The following ADAMTS12 variants were observed in gnomAD, a reference collection of about 807,000 sequenced individuals.
ADAMTS12 encodes A disintegrin and metalloproteinase with thrombospondin motifs 12.
ADAMTS12 carries 118 observed loss-of-function variants against 167.8 expected under a neutral mutation model. The ratio of observed to expected loss-of-function variants is 0.70; its 90% CI spans 0.61 to 0.82. ADAMTS12 has a LOEUF of 0.82. Ranked by LOEUF, ADAMTS12 falls within the 40% of genes least tolerant of loss-of-function variation. The probability of loss-of-function intolerance (pLI) is 0.00; values close to 1 mark genes in which losing one functional copy is unlikely to be tolerated. For missense variants in ADAMTS12, 1,916 were observed against 1,998.8 expected, an observed-to-expected ratio of 0.96 and a Z score of 0.79; for synonymous variants, 704 against 716.9, an observed-to-expected ratio of 0.98 and a Z score of 0.29.
intron 2 of ADAMTS12, among the ~76,000 whole-genome samples, chr5:33,842,556 C>A (rs1436454111): frequency 6.6e-6 from 1 of 152,176 alleles, no homozygotes; most frequent in Non-Finnish European, 1.5e-5. Context: ...TTAAACAGAG[C>A]TTTTCATGCT....
intron 5 of ADAMTS12, among the ~76,000 whole-genome samples, chr5:33,677,141 TA>T (rs1561209189): frequency 6.6e-6 from 1 of 152,202 alleles, no homozygotes; most frequent in Non-Finnish European, 1.5e-5. Flanking sequence ...TTAGGTCTTT[TA>T]TTTTCCTCCA....
At chr5:33,763,719 G>C (rs954622526) in intron 2 of ADAMTS12, among the ~76,000 whole-genome samples, 2 of 152,196 alleles carry the variant, frequency 1.3e-5, no homozygotes, top group African/African-American at 4.8e-5. Context: ...AACAAATGTT[G>C]TAGGAAACAA....
intron 7 of ADAMTS12, among the ~76,000 whole-genome samples, chr5:33,651,365 G>A (rs1740862980): frequency 6.6e-6 from 1 of 152,168 alleles, no homozygotes. Flanking sequence ...CAAAATAAAA[G>A]TAAAATTATT....
intron 2 of ADAMTS12, among the ~76,000 whole-genome samples, chr5:33,777,106 A>G (rs924883037): frequency 3.9e-5 from 6 of 152,140 alleles, no homozygotes; most frequent in African/African-American, 9.6e-5. Flanking sequence ...TTAAAGAGAA[A>G]TTAACACCAA....
rs564635672 is a variant in ADAMTS12 at position 33,788,154 on chromosome 5, C to T, written c.490-36606G>A. Among the ~76,000 whole-genome samples, 10 of 152,320 alleles carry T rather than the reference C, an allele frequency of 6.6e-5. No individual in the cohort carries two copies. In the South Asian group the frequency reaches 1.9e-3, roughly 28 times the overall value. The stretch of plus-strand genomic sequence containing the variant: ...CTTGCTCTGGAATATGGACGCCTGT[C>T]CACAGATGGCTCCTTCTGAACAGCC... On this transcript the variant is annotated intron_variant, in intron 2 of 23. Coordinates refer to ENST00000504830, the MANE Select transcript of ADAMTS12 (RefSeq NM_030955.4).
At chr5:33,602,159 T>C (rs1738219664) in intron 16 of ADAMTS12, among the ~76,000 whole-genome samples, 1 of 152,096 alleles carries the variant, frequency 6.6e-6, no homozygotes, top group Admixed American at 6.6e-5. Flanking sequence ...GGCAACTGCA[T>C]TATTAAAGAA....
intron 2 of ADAMTS12, among the ~76,000 whole-genome samples, chr5:33,783,564 A>C (rs2112445498): frequency 6.6e-6 from 1 of 152,048 alleles, no homozygotes; most frequent in East Asian, 1.9e-4. Flanking sequence ...TGCCCCGCAG[A>C]AATTAAAAGA....
At chr5:33,792,868 T>C (rs1267095422) in intron 2 of ADAMTS12, among the ~76,000 whole-genome samples, 1 of 152,248 alleles carries the variant, frequency 6.6e-6, no homozygotes. Context: ...TCTGGACAAC[T>C]GAACATGGTT....
At chr5:33,580,916 C>T (rs1354511998) in intron 18 of ADAMTS12, among the ~76,000 whole-genome samples, 1 of 152,172 alleles carries the variant, frequency 6.6e-6, no homozygotes, top group Non-Finnish European at 1.5e-5. Context: ...GTGCACCAAC[C>T]TTCCATCCAC....
chr5:33,666,063 C>A (rs1741454300), intron 5 of ADAMTS12, among the ~76,000 whole-genome samples: 1 of 152,238 alleles, frequency 6.6e-6, no homozygotes, highest in Non-Finnish European at 1.5e-5. Flanking sequence ...AATTCTGTAA[C>A]AGGGCCTTTG....
intron 4 of ADAMTS12, 64 bp from the exon 5 acceptor site, chr5:33,683,165 G>A: frequency 7.8e-7 from 1 of 1,282,384 alleles, no homozygotes; most frequent in Non-Finnish European, 1.1e-6. Flanking sequence ...TACCAGAGAA[G>A]AAAATAGCAT....
In ADAMTS12 at chr5:33,549,349, C is replaced by A. The variant is rs745489312; in HGVS notation, c.4160G>T (p.Arg1387Leu). 6.2e-7 allele frequency: 1 copy of A among 1,613,954 alleles called. No homozygotes were observed. Among genetic ancestry groups the A allele is most frequent in the African/African-American group, 1.3e-5 (1 of 74,916 alleles). The change falls in exon 21 of 24, where the codon CGC becomes CTC. Residue 1387 changes from arginine to leucine, a missense_variant. By Grantham distance (102) the Arg-to-Leu change is moderately radical (BLOSUM62 -2). Coordinates refer to ENST00000504830, the MANE Select transcript of ADAMTS12 (RefSeq NM_030955.4). Reference sequence around the variant, plus strand: ...CCGGCTGTCCACGCACTGAATCTCGCGTATCTTGAAGCCCCCACTGCAGTT... The same window carrying A: ...CCGGCTGTCCACGCACTGAATCTCGAGTATCTTGAAGCCCCCACTGCAGTT... Reference protein sequence around the residue: ...SRNCSGGFKIREIQCVDSRDH... With the variant: ...SRNCSGGFKILEIQCVDSRDH...
Position 33,534,854 on chromosome 5 carries a change from G to T in ADAMTS12, c.4585C>A (p.Gln1529Lys), listed in dbSNP as rs773184587. 1.3e-5 allele frequency: 21 copies of T among 1,613,514 alleles called. No homozygotes were observed. The highest frequency in any genetic ancestry group is 1.8e-5 in the Non-Finnish European group (21 of 1,179,858). Residue 1529 changes from glutamine to lysine, a missense_variant, in exon 23 of 24, where the codon CAG becomes AAG. Gln to Lys is a moderately conservative substitution (Grantham distance 53, BLOSUM62 1). Coordinates refer to ENST00000504830, the MANE Select transcript of ADAMTS12 (RefSeq NM_030955.4). ...CCACCGGCACTTTTCTTGCAGGCCT[G>T]CTGGTTGCATTTTTTGAATTCTGGA... ...RPPEFKKCNQ[Q>K]ACKKSADLLC...
chr5:33,874,020 T>A (rs1251887808), intron 2 of ADAMTS12, among the ~76,000 whole-genome samples: 3 of 152,168 alleles, frequency 2.0e-5, no homozygotes, highest in Admixed American at 2.0e-4. Context: ...TTTTTTTCAA[T>A]GACTGTTTAG....
At chr5:33,823,526 AAAAAAAGAGAGGTAGTGGTGGG>A (rs1183244392) in intron 2 of ADAMTS12, among the ~76,000 whole-genome samples, 2 of 152,172 alleles carry the variant, frequency 1.3e-5, no homozygotes, top group Admixed American at 1.3e-4. Flanking sequence ...TTAGTGTCAG[AAAAAAAGAGAGGTAGTGGTGGG>A]AGCTACAGTG....
intron 2 of ADAMTS12, among the ~76,000 whole-genome samples, chr5:33,857,032 T>C (rs975085751): frequency 1.3e-5 from 2 of 152,158 alleles, no homozygotes; most frequent in African/African-American, 4.8e-5. Flanking sequence ...GATAAAGAAA[T>C]TCAATACATG....
chr5:33,887,634 G>A (rs1750682573), intron 1 of ADAMTS12, among the ~76,000 whole-genome samples: 1 of 152,180 alleles, frequency 6.6e-6, no homozygotes, highest in Non-Finnish European at 1.5e-5. Context: ...AAGGCTACTG[G>A]CACAAGCACT....
chr5:33,733,282 T>C (rs918299053), intron 3 of ADAMTS12, among the ~76,000 whole-genome samples: 4 of 152,180 alleles, frequency 2.6e-5, no homozygotes, highest in African/African-American at 9.7e-5. Flanking sequence ...AACTGTTAAA[T>C]GAAACTTTCT....
intron 7 of ADAMTS12, 137 bp from the exon 8 acceptor site, chr5:33,649,834 C>A (rs571095504): frequency 2.7e-5 from 32 of 1,173,700 alleles, no homozygotes; most frequent in Admixed American, 2.2e-4. Context: ...CAAAGTGAGA[C>A]TTTGAAGTCG....
Sources: gnomAD v4.1 joint callset for allele counts (sites outside exome capture counted in the v4.1 genomes callset) on GRCh38, gnomAD v4.1.1 for gene constraint, MANE v1.5 for transcripts, NCBI Gene and HGNC (gene_info 2026-07-23, HGNC 2026-07-21) for gene names.